EPB41L4A: variants seen among roughly 807,000 people sequenced by gnomAD.
EPB41L4A encodes erythrocyte membrane protein band 4.1 like 4A.
In EPB41L4A, 100 loss-of-function variants were observed where a neutral mutation model predicts 108.6. The ratio of observed to expected loss-of-function variants is 0.92; its 90% CI spans 0.78 to 1.09. The LOEUF is 1.09. Among genes scored for constraint, EPB41L4A ranks in the 50% least tolerant of loss-of-function variants. The pLI is 0.00. For synonymous variants in EPB41L4A, 319 were observed against 289.0 expected (o/e 1.10, Z -1.05); for missense variants, 1,030 against 842.7 (o/e 1.22, Z -2.75).
At chr5:112,376,185 A>G (rs1759808552) in intron 1 of EPB41L4A, among the ~76,000 whole-genome samples, 1 of 152,228 alleles carries the variant, frequency 6.6e-6, no homozygotes, top group Non-Finnish European at 1.5e-5. Context: ...ACAGCAGAAA[A>G]ATAATACATT....
At chr5:112,370,789 C>A (rs1759447195) in intron 1 of EPB41L4A, among the ~76,000 whole-genome samples, 1 of 152,084 alleles carries the variant, frequency 6.6e-6, no homozygotes. Context: ...GTGGCACATG[C>A]CTGTAGTCCC....
At chr5:112,234,966 G>A (rs1476111628) in intron 11 of EPB41L4A, among the ~76,000 whole-genome samples, 1 of 152,186 alleles carries the variant, frequency 6.6e-6, no homozygotes, top group African/African-American at 2.4e-5. Flanking sequence ...AAATCTTTCA[G>A]AGGAGGAAAC....
At chr5:112,225,047 A>AT (rs1748357544) in intron 12 of EPB41L4A, among the ~76,000 whole-genome samples, 1 of 152,250 alleles carries the variant, frequency 6.6e-6, no homozygotes, top group Non-Finnish European at 1.5e-5. Context: ...GAGAGCTATT[A>AT]TTATGTTACT....
intron 1 of EPB41L4A, among the ~76,000 whole-genome samples, chr5:112,323,241 G>C (rs554951178): frequency 6.6e-6 from 1 of 152,062 alleles, no homozygotes; most frequent in East Asian, 1.9e-4. Flanking sequence ...CAAAATAAAA[G>C]AAAACCTCCC....
At chr5:112,175,821 C>T (rs1023587988) in intron 18 of EPB41L4A, among the ~76,000 whole-genome samples, 6 of 151,882 alleles carry the variant, frequency 4.0e-5, no homozygotes, top group Admixed American at 6.6e-5. Context: ...CTAAGGGATG[C>T]GGTCTCACTA....
intron 1 of EPB41L4A, among the ~76,000 whole-genome samples, chr5:112,325,105 T>A (rs2150639625): frequency 6.6e-6 from 1 of 152,096 alleles, no homozygotes; most frequent in East Asian, 1.9e-4. Flanking sequence ...AATTGTTGAA[T>A]AAACTGTAGT....
chr5:112,158,524 T>A (rs940355844), downstream of EPB41L4A: 1 of 296,120 alleles, frequency 3.4e-6, no homozygotes, highest in Non-Finnish European at 6.8e-6. Context: ...TTCCTCTCTC[T>A]CACTGCATTA....
At chr5:112,159,607 G>T (rs147298671), downstream of EPB41L4A, among the ~76,000 whole-genome samples, 5 of 152,082 alleles carry the variant, frequency 3.3e-5, no homozygotes, top group Non-Finnish European at 5.9e-5. Flanking sequence ...CTCCTTACTC[G>T]ACTCCAGCCA....
chr5:112,417,893 T>C (rs1463906529), intron 1 of EPB41L4A, among the ~76,000 whole-genome samples: 1 of 152,224 alleles, frequency 6.6e-6, no homozygotes, highest in East Asian at 1.9e-4. Flanking sequence ...GGAATAGTTA[T>C]CCTAGTGTGC....
intron 12 of EPB41L4A, among the ~76,000 whole-genome samples, chr5:112,215,711 A>C (rs982333099): frequency 3.4e-5 from 5 of 147,204 alleles, no homozygotes; most frequent in East Asian, 4.2e-4. Context: ...TGCAGTGAGC[A>C]GAGATCGCGC....
chr5:112,155,451 T>C (rs115759383), intron 12 of EPB41L4A, among the ~76,000 whole-genome samples: 3 of 151,840 alleles, frequency 2.0e-5, no homozygotes, highest in Non-Finnish European at 2.9e-5. Context: ...TGTCAGCATA[T>C]CCAAAAGCAT....
At chr5:112,339,140 C>A (rs1561584593) in intron 1 of EPB41L4A, among the ~76,000 whole-genome samples, 1 of 152,078 alleles carries the variant, frequency 6.6e-6, no homozygotes, top group Non-Finnish European at 1.5e-5. Context: ...GCAGGAATTG[C>A]ACAATAGGAG....
chr5:112,221,134 C>G (rs1173932505), intron 12 of EPB41L4A, among the ~76,000 whole-genome samples: 1 of 152,160 alleles, frequency 6.6e-6, no homozygotes, highest in Non-Finnish European at 1.5e-5. Flanking sequence ...CTTTTTCTCC[C>G]CTATACAATC....
chr5:112,193,224 G>A (rs1761793129), intron 17 of EPB41L4A, among the ~76,000 whole-genome samples: 1 of 152,182 alleles, frequency 6.6e-6, no homozygotes, highest in African/African-American at 2.4e-5. Flanking sequence ...TTTGTGCCAA[G>A]CGCAAGGGTT....
At chr5:112,356,561 C>T (rs1758372278) in intron 1 of EPB41L4A, among the ~76,000 whole-genome samples, 1 of 152,162 alleles carries the variant, frequency 6.6e-6, no homozygotes. Flanking sequence ...CATAAGAAAA[C>T]ATCTGCTTTT....
intron 15 of EPB41L4A, among the ~76,000 whole-genome samples, chr5:112,203,899 C>T (rs1272135133): frequency 6.6e-6 from 1 of 151,864 alleles, no homozygotes; most frequent in Non-Finnish European, 1.5e-5. Context: ...ATCAGCCGGG[C>T]GTGGCAGCAC....
chr5:112,375,332 C>T (rs1302381425), intron 1 of EPB41L4A, among the ~76,000 whole-genome samples: 1 of 150,122 alleles, frequency 6.7e-6, no homozygotes, highest in Non-Finnish European at 1.5e-5. Context: ...CGCACACACA[C>T]ACATACACAC....
chr5:112,142,326 G>T (rs1315049507), downstream of EPB41L4A: 1 of 152,068 alleles, frequency 6.6e-6, no homozygotes, highest in African/African-American at 2.4e-5. Context: ...CTTCCCATTT[G>T]TCTGAAGTCA....
intron 3 of EPB41L4A, among the ~76,000 whole-genome samples, chr5:112,276,462 T>A (rs746881015): frequency 6.6e-6 from 1 of 152,188 alleles, no homozygotes; most frequent in Non-Finnish European, 1.5e-5. Flanking sequence ...AGTGCATATT[T>A]CCAAGCTGTG....
Sources: gnomAD v4.1 joint callset for allele counts (sites outside exome capture counted in the v4.1 genomes callset) on GRCh38, gnomAD v4.1.1 for gene constraint, MANE v1.5 for transcripts, NCBI Gene and HGNC (gene_info 2026-07-23, HGNC 2026-07-21) for gene names.